Variants in CKAP5 observed in about 807,000 individuals in gnomAD.
CKAP5 encodes cytoskeleton-associated protein 5.
Under a neutral mutation model 232.8 loss-of-function variants are expected in CKAP5, and 27 were observed. The observed-to-expected ratio is 0.12, with a 90% confidence interval of 0.09 to 0.16. The LOEUF is 0.16. Among genes scored for constraint, CKAP5 ranks in the 10% least tolerant of loss-of-function variants. The pLI is 1.00. For synonymous variants in CKAP5, 785 were observed against 841.1 expected, an observed-to-expected ratio of 0.93 and a Z score of 1.16; for missense variants, 1,838 against 2,424.7, an observed-to-expected ratio of 0.76 and a Z score of 5.08.
chr11:46,771,483 C>T (rs910522464), intron 24 of CKAP5, among the ~76,000 whole-genome samples: 6 of 152,164 alleles, frequency 3.9e-5, no homozygotes, highest in South Asian at 4.1e-4. Context: ...AATCTTGGCT[C>T]GCAGGCCAGT....
At chr11:46,832,150 G>A (rs948890698) in intron 1 of CKAP5, among the ~76,000 whole-genome samples, 2 of 152,092 alleles carry the variant, frequency 1.3e-5, no homozygotes, top group Admixed American at 6.5e-5. Context: ...ATGAACCACT[G>A]CGCCTGGTCT....
intron 1 of CKAP5, among the ~76,000 whole-genome samples, chr11:46,832,497 T>G (rs1400964547): frequency 6.6e-6 from 1 of 152,184 alleles, no homozygotes; most frequent in Admixed American, 6.5e-5. Flanking sequence ...GTAGACAGAT[T>G]GAGTTGTAAA....
intron 29 of CKAP5, 144 bp from the exon 30 acceptor site, chr11:46,763,323 C>A (rs539866486): frequency 2.1e-6 from 2 of 939,186 alleles, no homozygotes; most frequent in African/African-American, 3.3e-5. Flanking sequence ...AAAAAATATA[C>A]ACACACATTC....
chr11:46,818,282 T>G (rs1939450579), intron 3 of CKAP5, 28 bp downstream of exon 3: 1 of 1,521,488 alleles, frequency 6.6e-7, no homozygotes, highest in African/African-American at 1.4e-5. Flanking sequence ...GGGGTTTTTA[T>G]CAGTAAAGTT....
rs78553352 is a variant in CKAP5, at chr11:46,761,454, A to C, written c.4221+546T>G. Among the ~76,000 whole-genome samples the C allele has an allele frequency of 4.2e-4, 64 of 152,268 alleles. 1 individual carries two copies. In the East Asian group the frequency reaches 0.012, roughly 29 times the overall value. On this transcript the variant is annotated intron_variant, in intron 32 of 43. Coordinates refer to ENST00000529230, the MANE Select transcript of CKAP5 (RefSeq NM_001008938.4). ...CTTCACTGGGTAGTAGTGAGAATTTAATTAGAAAATATAAGTAAACATATT... is the reference window on the plus strand; with the variant it reads ...CTTCACTGGGTAGTAGTGAGAATTTCATTAGAAAATATAAGTAAACATATT...
chr11:46,797,162 G>C (rs955620415), intron 11 of CKAP5, among the ~76,000 whole-genome samples: 1 of 152,206 alleles, frequency 6.6e-6, no homozygotes, highest in Non-Finnish European at 1.5e-5. Context: ...GGGAGGCCAA[G>C]TTCGAGACCA....
rs934942500 is a variant in CKAP5, at chr11:46,784,349, T to G, written c.2154+139A>C. ...TTGCATTCCAGCCTGGGCGACAGAG[T>G]GAAACTCCATCTCAAAAAAAATGCA... On this transcript the variant is annotated intron_variant, in intron 17 of 43. Coordinates refer to ENST00000529230, the MANE Select transcript of CKAP5 (RefSeq NM_001008938.4). 7.2e-6 allele frequency: 5 copies of G among 692,164 alleles called. No homozygotes were observed. In the African/African-American group the frequency reaches 9.0e-5, roughly 12 times the overall value. 42.9% of individuals were successfully genotyped at this position (692,164 alleles called of 1,614,324 possible). A position where few individuals can be genotyped will look rare whatever the true frequency, so the allele number is the denominator to read the frequency against.
At chr11:46,767,533 T>C in intron 27 of CKAP5, 42 bp downstream of exon 27, 1 of 1,290,894 alleles carries the variant, frequency 7.7e-7, no homozygotes, top group Non-Finnish European at 1.1e-6. Flanking sequence ...ATAAAATATA[T>C]TTAAAAGCAA....
At chr11:46,800,981 CCTGA>C (rs66632067) in intron 9 of CKAP5, among the ~76,000 whole-genome samples, 62,419 of 151,632 alleles carry the variant, frequency 0.41, 15,080 homozygotes, top group Non-Finnish European at 0.54. Context: ...AGGCCTAGTG[CCTGA>C]CTTTCTACAT....
chr11:46,781,817 T>TAA (rs899109550), intron 18 of CKAP5, among the ~76,000 whole-genome samples: 1 of 151,290 alleles, frequency 6.6e-6, no homozygotes, highest in Non-Finnish European at 1.5e-5. Flanking sequence ...CATATATATG[T>TAA]AAAAAAAAAT....
rs565633259 is a variant in CKAP5 at position 46,823,384 on chromosome 11, C to T, written c.-37-2116G>A. On this transcript the variant is annotated intron_variant, in intron 1 of 43. Transcript: ENST00000529230. ...AATAACCATGATGAACACTAAAGTA[C>T]GTATCCAGTTTTTTTTCAATACACA... 1.1e-4 allele frequency among the ~76,000 whole-genome samples: 16 copies of T among 152,028 alleles called. No individual in the cohort carries two copies. In the South Asian group the frequency reaches 2.5e-3, roughly 24 times the overall value.
rs1939479551 is a variant in CKAP5, at chr11:46,819,530, A to G, written c.58-1027T>C. On this transcript the variant is annotated intron_variant, in intron 2 of 43. Transcript: ENST00000529230. ...CGAATTTGCATTTACTGTGTTAAGC[A>G]TTAGTAAAGAATTAGATGTTTGTCC... 2.6e-5 allele frequency among the ~76,000 whole-genome samples: 4 copies of G among 152,220 alleles called. No homozygotes were observed. The South Asian group carries it at 6.2e-4, about 24-fold the overall frequency.
chr11:46,778,864 C>CAGG (rs902981127), intron 20 of CKAP5, among the ~76,000 whole-genome samples: 3 of 152,164 alleles, frequency 2.0e-5, no homozygotes, highest in Non-Finnish European at 2.9e-5. Context: ...CATCTGAGGT[C>CAGG]AGGAGTTCAA....
intron 27 of CKAP5, among the ~76,000 whole-genome samples, chr11:46,766,265 G>A (rs1223423616): frequency 6.6e-6 from 1 of 152,094 alleles, no homozygotes; most frequent in African/African-American, 2.4e-5. Context: ...AAACTGCTTC[G>A]TAAGTTTAAA....
intron 35 of CKAP5, among the ~76,000 whole-genome samples, chr11:46,757,439 G>A (rs1400093453): frequency 6.6e-6 from 1 of 151,700 alleles, no homozygotes; most frequent in Non-Finnish European, 1.5e-5. Context: ...GCTGCAGTGA[G>A]CTGAAATCGC....
intron 42 of CKAP5, among the ~76,000 whole-genome samples, chr11:46,749,446 C>A (rs1397266075): frequency 2.3e-5 from 3 of 129,898 alleles, no homozygotes; most frequent in African/African-American, 9.1e-5. Flanking sequence ...CAGGGTGAGA[C>A]TCCGTCTCAA....
Position 46,776,378 on chromosome 11 carries a change from A to C in CKAP5, c.2868T>G (p.Asn956Lys). ...IITVLGDSKNNVRAAALATVN... is the reference protein window; with the variant it reads ...IITVLGDSKNKVRAAALATVN... The stretch of plus-strand genomic sequence containing the variant: ...CAGTCGCTAGGGCAGCAGCTCGAAC[A>C]TTGTTCTAAATGGAGAAGATAATCA... Residue 956 changes from asparagine (N) to lysine (K), a missense_variant, in exon 24 of 44, where the codon AAT becomes AAG. Coordinates refer to ENST00000529230, the MANE Select transcript of CKAP5 (RefSeq NM_001008938.4). The C allele has an allele frequency of 6.2e-7, 1 of 1,608,558 alleles. No homozygotes were observed. Among genetic ancestry groups the C allele is most frequent in the Non-Finnish European group, 8.5e-7 (1 of 1,177,824 alleles).
chr11:46,795,693 C>A lies in CKAP5; in HGVS notation c.1551G>T (p.Leu517=). 1.2e-6 allele frequency: 2 copies of A among 1,614,122 alleles called. No individual in the cohort carries two copies. Among genetic ancestry groups the A allele is most frequent in the South Asian group, 2.2e-5 (2 of 91,074 alleles). The part of the protein sequence containing the change: ...LAADKKEFKP[L]PGRTAASGAA... ...CCCCTGAAGCAGCAGTCCTTCCAGGCAGAGGTTTGAATTCCTTCTTATCAG... is the reference window on the plus strand; with the variant it reads ...CCCCTGAAGCAGCAGTCCTTCCAGGAAGAGGTTTGAATTCCTTCTTATCAG... The change falls in exon 13 of 44, where the codon CTG becomes CTT. Residue 517 remains leucine (L), a synonymous_variant. Coordinates refer to ENST00000529230, the MANE Select transcript of CKAP5 (RefSeq NM_001008938.4).
chr11:46,744,453 T>A lies in CKAP5; in HGVS notation c.5829A>T (p.Arg1943=). The part of the protein sequence containing the change: ...SVYLERLKIL[R]QRCGLDNTKQ... ...TTGTGTTGTCCAGACCACATCGCTGTCGGAGGATCTTTAGCCTTTCCAAGT... is the reference window on the plus strand; with the variant it reads ...TTGTGTTGTCCAGACCACATCGCTGACGGAGGATCTTTAGCCTTTCCAAGT... The change falls in exon 43 of 44, where the codon CGA becomes CGT. Residue 1943 remains arginine, a synonymous_variant. Transcript: ENST00000529230. 1 of 1,614,134 alleles carries A rather than the reference T, an allele frequency of 6.2e-7. No individual in the cohort carries two copies. The highest frequency in any genetic ancestry group is 2.2e-5 in the East Asian group (1 of 44,874).
Sources: allele counts gnomAD v4.1 joint callset (sites outside exome capture counted in the v4.1 genomes callset), GRCh38; gene constraint gnomAD v4.1.1; transcripts MANE v1.5; gene names NCBI Gene and HGNC (gene_info 2026-07-23, HGNC 2026-07-21).